The following SCPEP1 variants were observed in gnomAD, a reference collection of about 807,000 sequenced individuals.
The protein encoded by SCPEP1 is serine carboxypeptidase 1.
A neutral mutation model predicts 63.8 loss-of-function variants in SCPEP1; 51 were observed. The ratio of observed to expected loss-of-function variants is 0.80; its 90% CI spans 0.64 to 1.01. The LOEUF is 1.01. Among genes scored for constraint, SCPEP1 ranks in the 50% least tolerant of loss-of-function variants. The pLI, the probability that SCPEP1 is intolerant of heterozygous loss-of-function variation, is 0.00. For synonymous variants in SCPEP1, 204 were observed against 207.8 expected (o/e 0.98, Z 0.16); for missense variants, 499 against 554.9 (o/e 0.90, Z 1.01).
In SCPEP1 at chr17:57,006,429, A is replaced by T; in HGVS notation, c.*194A>T. ...TGGAAATTATTTCTGCTTCTTAAAA[A>T]AACCTAAGATTTTTTAAAAAATTGA... is the stretch of plus-strand genomic sequence containing the variant. On this transcript the variant is annotated 3_prime_UTR_variant, in exon 13 of 13. Coordinates refer to ENST00000262288, the MANE Select transcript of SCPEP1 (RefSeq NM_021626.3). 1 of 393,848 alleles carries T rather than the reference A, an allele frequency of 2.5e-6. No homozygotes were observed. Among genetic ancestry groups the T allele is most frequent in the Non-Finnish European group, 4.6e-6 (1 of 219,742 alleles). The allele number at this position is 393,848 out of a possible 1,614,324, so 24.4% of individuals were successfully genotyped here. A position where few individuals can be genotyped will look rare whatever the true frequency, so the allele number is the denominator to read the frequency against.
At chr17:56,994,815 C>A in intron 6 of SCPEP1, 166 bp from the exon 7 acceptor site, 1 of 566,536 alleles carries the variant, frequency 1.8e-6, no homozygotes, top group Non-Finnish European at 3.2e-6. Flanking sequence ...ACTGAGACAT[C>A]AGCCCGCCTC....
chr17:56,994,888 G>A (rs1911500508), intron 6 of SCPEP1, 93 bp from the exon 7 acceptor site: 6 of 1,184,080 alleles, frequency 5.1e-6, no homozygotes, highest in African/African-American at 3.0e-5. Context: ...TCTTGCTTCT[G>A]TCTCTTTCTT....
Position 56,998,366 on chromosome 17 carries a change from T to C in SCPEP1, c.881-19T>C, listed in dbSNP as rs1911636499. Reference sequence around the variant, plus strand: ...TTACTTCCAGCCCTTTGACTCACTATCTACCAGTTTGGTTTTAGTTTGTCT... The same window carrying C: ...TTACTTCCAGCCCTTTGACTCACTACCTACCAGTTTGGTTTTAGTTTGTCT... On this transcript the variant is annotated intron_variant, in intron 9 of 12. Coordinates refer to ENST00000262288, the MANE Select transcript of SCPEP1 (RefSeq NM_021626.3). 2 of 1,534,002 alleles carry C rather than the reference T, an allele frequency of 1.3e-6. No individual in the cohort carries two copies. Among genetic ancestry groups the C allele is most frequent in the African/African-American group, 2.7e-5 (2 of 73,086 alleles).
intron 6 of SCPEP1, among the ~76,000 whole-genome samples, chr17:56,991,537 C>G (rs1158331737): frequency 6.6e-6 from 1 of 152,160 alleles, no homozygotes; most frequent in African/African-American, 2.4e-5. Flanking sequence ...CATCCTGCCC[C>G]CTCTACTTCC....
rs565427056 is a variant in SCPEP1 at position 56,987,489 on chromosome 17, G to T, written c.316-206G>T. The T allele has an allele frequency of 1.0e-5, 4 of 393,868 alleles. No homozygotes were observed. The Admixed American group carries it at 1.8e-4, about 18-fold the overall frequency. The allele number at this position is 393,868 out of a possible 1,614,324, so 24.4% of individuals were successfully genotyped here. On this transcript the variant is annotated intron_variant, in intron 3 of 12. Transcript: ENST00000262288. ...TCCCTTTTTTTTTTTTTGCGGCGGCGGGGGCGGTTGGCCTTTCTTTGTTTT... is the reference window on the plus strand; with the variant it reads ...TCCCTTTTTTTTTTTTTGCGGCGGCTGGGGCGGTTGGCCTTTCTTTGTTTT...
At chr17:56,994,204 C>T (rs1483804078) in intron 6 of SCPEP1, among the ~76,000 whole-genome samples, 1 of 152,184 alleles carries the variant, frequency 6.6e-6, no homozygotes, top group Non-Finnish European at 1.5e-5. Context: ...CTTTGAGACA[C>T]TTTGCCTTAA....
intron 3 of SCPEP1, among the ~76,000 whole-genome samples, chr17:56,986,085 C>T (rs1033792114): frequency 6.6e-6 from 1 of 152,108 alleles, no homozygotes; most frequent in South Asian, 2.1e-4. Flanking sequence ...CAGCGTGGGC[C>T]CCACTCAGGG....
At chr17:57,004,025 C>A (rs1353959912) in intron 12 of SCPEP1, among the ~76,000 whole-genome samples, 1 of 152,102 alleles carries the variant, frequency 6.6e-6, no homozygotes, top group East Asian at 1.9e-4. Context: ...ATGGAGAAAC[C>A]CTATCTTTAC....
chr17:56,991,096 C>G lies in SCPEP1; in HGVS notation c.547-3C>G. 6.2e-7 allele frequency: 1 copy of G among 1,612,920 alleles called. No individual in the cohort carries two copies. The highest frequency in any genetic ancestry group is 8.5e-7 in the Non-Finnish European group (1 of 1,178,942). ...TGAGGACGTTTCTTGTTTCCTCTTT[C>G]AGGCCATTCAGCGAGGGACCATCAA... On this transcript the variant is annotated splice_region_variant and splice_polypyrimidine_tract_variant and intron_variant, in intron 5 of 12. Transcript: ENST00000262288.
At chr17:57,000,112 C>T (rs962133420) in intron 10 of SCPEP1, among the ~76,000 whole-genome samples, 23 of 151,972 alleles carry the variant, frequency 1.5e-4, no homozygotes, top group Non-Finnish European at 2.2e-4. Context: ...ATTGTGCCCC[C>T]GCTCTCCAGC....
At chr17:56,998,191 GT>G in intron 9 of SCPEP1, 193 bp from the exon 10 acceptor site, 1 of 469,220 alleles carries the variant, frequency 2.1e-6, no homozygotes, top group Non-Finnish European at 3.9e-6. Flanking sequence ...GGTGCCTGTA[GT>G]TCCAGCTACT....
chr17:57,006,104 G>A (rs1035058551), intron 12 of SCPEP1, 69 bp from the exon 13 acceptor site: 4 of 1,302,412 alleles, frequency 3.1e-6, no homozygotes, highest in Non-Finnish European at 4.3e-6. Flanking sequence ...AAGGTTTCAG[G>A]ATGTTGCCTC....
At chr17:56,982,056 G>A (rs2144466610) in intron 2 of SCPEP1, among the ~76,000 whole-genome samples, 1 of 152,326 alleles carries the variant, frequency 6.6e-6, no homozygotes, top group East Asian at 1.9e-4. Context: ...TTGTAGGATG[G>A]AAGGCAGGGA....
intron 6 of SCPEP1, among the ~76,000 whole-genome samples, chr17:56,991,963 C>T (rs1486094678): frequency 6.6e-6 from 1 of 152,204 alleles, no homozygotes; most frequent in Non-Finnish European, 1.5e-5. Flanking sequence ...TCTAACCTAA[C>T]AAAACGTGAT....
At chr17:56,998,135 A>G (rs2144502757) in intron 9 of SCPEP1, 1 of 373,468 alleles carries the variant, frequency 2.7e-6, no homozygotes, top group Non-Finnish European at 5.1e-6. Context: ...ACATGGTGAA[A>G]CCCTGTCTCT....
rs893960238 is a variant in SCPEP1, at chr17:56,998,226, G to C, written c.881-159G>C. 9 of 518,148 alleles carry C rather than the reference G, an allele frequency of 1.7e-5. No homozygotes were observed. In the East Asian group the frequency reaches 2.7e-4, roughly 16 times the overall value. The allele number at this position is 518,148 out of a possible 1,614,324, so 32.1% of individuals were successfully genotyped here. ...CTCGGGAGGCTGAGGCAGGAAAATCGCTTGAACCCAGGAGGCGGAGGTTTC... is the reference window on the plus strand; with the variant it reads ...CTCGGGAGGCTGAGGCAGGAAAATCCCTTGAACCCAGGAGGCGGAGGTTTC... On this transcript the variant is annotated intron_variant, in intron 9 of 12. Transcript: ENST00000262288.
At chr17:56,979,297 T>G (rs1238585464) in intron 1 of SCPEP1, among the ~76,000 whole-genome samples, 2 of 152,146 alleles carry the variant, frequency 1.3e-5, no homozygotes, top group Non-Finnish European at 2.9e-5. Context: ...TCTTTCTTAT[T>G]TACAAGACGT....
At position 57,000,768 on chromosome 17, in the gene SCPEP1, C is replaced by CT. The variant is rs1340404944; in HGVS notation, c.995-86dup. 19 of 1,475,828 alleles carry CT rather than the reference C, an allele frequency of 1.3e-5. No homozygotes were observed. In the Admixed American group the frequency reaches 1.7e-4, roughly 13 times the overall value. The allele number at this position is 1,475,828 out of a possible 1,614,324, so 91.4% of individuals were successfully genotyped here. ...CTGTGCATTCAGTCGTTGTTCGGTG[C>CT]TGGAGCCCAAGATGCTCTGGGCTGA... On this transcript the variant is annotated intron_variant, in intron 10 of 12. Coordinates refer to ENST00000262288, the MANE Select transcript of SCPEP1 (RefSeq NM_021626.3).
At chr17:56,997,600 T>G (rs1237031912) in intron 9 of SCPEP1, among the ~76,000 whole-genome samples, 2 of 152,158 alleles carry the variant, frequency 1.3e-5, no homozygotes, top group East Asian at 3.9e-4. Context: ...CCCAAGTCTA[T>G]AGAATGTATA....
Sources: gnomAD v4.1 joint callset for allele counts (sites outside exome capture counted in the v4.1 genomes callset) on GRCh38, gnomAD v4.1.1 for gene constraint, MANE v1.5 for transcripts, NCBI Gene and HGNC (gene_info 2026-07-23, HGNC 2026-07-21) for gene names.